The following KLHL20 variants were observed in gnomAD, a reference collection of about 807,000 sequenced individuals.
The protein encoded by KLHL20 is kelch like family member 20.
A neutral mutation model predicts 69.5 loss-of-function variants in KLHL20; 29 were observed. The observed-to-expected ratio is 0.42, with a 90% CI of 0.31 to 0.57. The LOEUF is 0.57. Among genes scored for constraint, KLHL20 ranks in the 20% least tolerant of loss-of-function variants. The pLI is 0.18. For synonymous variants in KLHL20, 253 were observed against 265.2 expected (o/e 0.95, Z 0.45); for missense variants, 419 against 776.0 (o/e 0.54, Z 5.47).
chr1:173,735,800 G>A (rs1220703143), intron 3 of KLHL20, among the ~76,000 whole-genome samples: 2 of 152,006 alleles, frequency 1.3e-5, no homozygotes, highest in African/African-American at 2.4e-5. Flanking sequence ...TCATTCTTAC[G>A]ACTTTGCATC....
chr1:173,734,365 C>G, intron 3 of KLHL20, 79 bp downstream of exon 3: 1 of 1,165,764 alleles, frequency 8.6e-7, no homozygotes. Context: ...TAACACTTGC[C>G]TGGGTATTTC....
chr1:173,743,241 T>C (rs1308222152), intron 3 of KLHL20, among the ~76,000 whole-genome samples: 4 of 151,468 alleles, frequency 2.6e-5, no homozygotes, highest in African/African-American at 9.7e-5. Flanking sequence ...ATTGGAAAAA[T>C]ACTATTTAAA....
intron 8 of KLHL20, among the ~76,000 whole-genome samples, chr1:173,766,858 C>T (rs111910753): frequency 0.013 from 1,907 of 152,066 alleles, 40 homozygotes; most frequent in African/African-American, 0.041. Flanking sequence ...GTATAGGTTG[C>T]GGAATGGCTA....
At chr1:173,774,231 G>A in intron 8 of KLHL20, 74 bp from the exon 9 acceptor site, 2 of 1,566,168 alleles carry the variant, frequency 1.3e-6, no homozygotes, top group Non-Finnish European at 8.8e-7. Flanking sequence ...TATATCGTTA[G>A]TGTGATTTCA....
intron 4 of KLHL20, among the ~76,000 whole-genome samples, chr1:173,752,482 G>T (rs532711943): frequency 6.6e-6 from 1 of 152,076 alleles, no homozygotes; most frequent in Non-Finnish European, 1.5e-5. Flanking sequence ...TGTATAAAAT[G>T]AACAAAAGAA....
chr1:173,770,698 A>G (rs1648035152), intron 8 of KLHL20, among the ~76,000 whole-genome samples: 1 of 150,344 alleles, frequency 6.7e-6, no homozygotes. Flanking sequence ...AAAAAGAGAG[A>G]GGAAAAAAAA....
intron 2 of KLHL20, among the ~76,000 whole-genome samples, chr1:173,731,917 G>T (rs1672298684): frequency 6.6e-6 from 1 of 151,996 alleles, no homozygotes; most frequent in South Asian, 2.1e-4. Context: ...ACCAATAACG[G>T]CTGGGCACAG....
intron 2 of KLHL20, among the ~76,000 whole-genome samples, chr1:173,716,435 A>G (rs560762965): frequency 1.6e-4 from 24 of 152,162 alleles, no homozygotes; most frequent in Non-Finnish European, 3.2e-4. Flanking sequence ...TTTATAATAT[A>G]CTGTACTGCA....
Position 173,785,274 on chromosome 1 carries a change from TTCC to T in KLHL20, c.*30_*32del, listed in dbSNP as rs1558230505. On this transcript the variant is annotated 3_prime_UTR_variant, in exon 12 of 12. Coordinates refer to ENST00000209884, the MANE Select transcript of KLHL20 (RefSeq NM_014458.4). ...CACAGAGAAGACAGTCTTGTATATA[TTCC>T]TCTGTATTCTGGGGAGCTTTGACCT... The T allele has an allele frequency of 6.7e-7, 1 of 1,500,172 alleles. No individual in the cohort carries two copies. The highest frequency in any genetic ancestry group is 2.0e-5 in the Admixed American group (1 of 50,634). 92.9% of individuals were successfully genotyped at this position (1,500,172 alleles called of 1,614,324 possible). A position where few individuals can be genotyped will look rare whatever the true frequency, so the allele number is the denominator to read the frequency against.
At chr1:173,717,880 TAA>T (rs1466085487) in intron 2 of KLHL20, among the ~76,000 whole-genome samples, 2 of 152,222 alleles carry the variant, frequency 1.3e-5, no homozygotes, top group Non-Finnish European at 2.9e-5. Context: ...ATTTTATTAG[TAA>T]AGTTTCATTA....
At chr1:173,719,404 A>G (rs1205254193) in intron 2 of KLHL20, among the ~76,000 whole-genome samples, 1 of 152,002 alleles carries the variant, frequency 6.6e-6, no homozygotes, top group Non-Finnish European at 1.5e-5. Flanking sequence ...CAAGGTCAAG[A>G]GATCGAGACC....
At chr1:173,747,815 A>C (rs1673134039) in intron 3 of KLHL20, among the ~76,000 whole-genome samples, 1 of 151,840 alleles carries the variant, frequency 6.6e-6, no homozygotes, top group Admixed American at 6.6e-5. Context: ...TTACTTTTAC[A>C]AACTAGAAAA....
intron 5 of KLHL20, among the ~76,000 whole-genome samples, chr1:173,755,321 G>T (rs1362709984): frequency 6.6e-6 from 1 of 152,060 alleles, no homozygotes; most frequent in Non-Finnish European, 1.5e-5. Context: ...GCCTCCCAAA[G>T]TGCTGGGATT....
chr1:173,773,363 C>T (rs552043535), intron 8 of KLHL20, among the ~76,000 whole-genome samples: 2 of 151,168 alleles, frequency 1.3e-5, no homozygotes, highest in Admixed American at 1.3e-4. Context: ...GAGAGGATTG[C>T]TTGAGGCCAG....
intron 2 of KLHL20, among the ~76,000 whole-genome samples, chr1:173,722,324 G>T (rs936503528): frequency 1.7e-4 from 26 of 152,124 alleles, no homozygotes; most frequent in African/African-American, 6.0e-4. Flanking sequence ...AAAATTATAT[G>T]GATGGACACC....
rs779176857 is a variant in KLHL20 at position 173,733,830 on chromosome 1, A to G, written c.141A>G (p.Ser47=). 6 of 1,614,082 alleles carry G rather than the reference A, an allele frequency of 3.7e-6. No homozygotes were observed. The South Asian group carries it at 6.6e-5, about 18-fold the overall frequency. Residue 47 remains serine, a synonymous_variant, in exon 3 of 12, where the codon TCA becomes TCG. Coordinates refer to ENST00000209884, the MANE Select transcript of KLHL20 (RefSeq NM_014458.4). ...VPQPARMPYI[S]DKHPRQTLEV... is the part of the protein sequence containing the mutation. ...AACCTGCCCGCATGCCCTATATCTCAGACAAGCACCCTCGACAAACCTTGG... is the reference window on the plus strand; with the variant it reads ...AACCTGCCCGCATGCCCTATATCTCGGACAAGCACCCTCGACAAACCTTGG...
chr1:173,735,719 T>C (rs1672498554), intron 3 of KLHL20, among the ~76,000 whole-genome samples: 1 of 152,090 alleles, frequency 6.6e-6, no homozygotes, highest in Non-Finnish European at 1.5e-5. Context: ...GTGTACACCG[T>C]ACCCAATGTG....
Position 173,751,940 on chromosome 1 carries a change from T to C in KLHL20, c.756+18T>C, listed in dbSNP as rs1434891822. 6.2e-7 allele frequency: 1 copy of C among 1,610,306 alleles called. No homozygotes were observed. The highest frequency in any genetic ancestry group is 1.1e-5 in the South Asian group (1 of 90,556). ...TACCCCAGGTAATGATAGAAATTCT[T>C]CTCTAAGAAACTGCTGACCGGGCAT... On this transcript the variant is annotated intron_variant, in intron 4 of 11. Transcript: ENST00000209884.
chr1:173,730,266 A>G (rs1432171269), intron 2 of KLHL20, among the ~76,000 whole-genome samples: 1 of 152,176 alleles, frequency 6.6e-6, no homozygotes, highest in African/African-American at 2.4e-5. Context: ...GGTAGGAAGA[A>G]TCAATATCAT....
Sources: allele counts gnomAD v4.1 joint callset (sites outside exome capture counted in the v4.1 genomes callset), GRCh38; gene constraint gnomAD v4.1.1; transcripts MANE v1.5; gene names NCBI Gene and HGNC (gene_info 2026-07-23, HGNC 2026-07-21).